Variants in CDH13 observed in about 807,000 individuals in gnomAD.
CDH13 encodes cadherin-13.
Under a neutral mutation model 63.8 loss-of-function variants are expected in CDH13, and 24 were observed. The ratio of observed to expected loss-of-function variants is 0.38; its 90% CI spans 0.27 to 0.53. The LOEUF is 0.53. CDH13 is among the 20% of genes least tolerant of loss of function. The pLI, the probability that CDH13 is intolerant of heterozygous loss-of-function variation, is 0.85. For missense variants in CDH13, 1,049 were observed against 903.1 expected, an observed-to-expected ratio of 1.16 and a Z score of -2.07; for synonymous variants, 503 against 355.3, an observed-to-expected ratio of 1.42 and a Z score of -4.67.
intron 11 of CDH13, among the ~76,000 whole-genome samples, chr16:83,761,113 C>G (rs1463932006): frequency 2.0e-5 from 3 of 152,158 alleles, no homozygotes; most frequent in African/African-American, 7.2e-5. Context: ...CCTTTAAATA[C>G]CCCTTAGAGG....
At position 82,938,094 on chromosome 16, in the gene CDH13, G is replaced by A. The variant is rs931464769; in HGVS notation, c.157+79621G>A. Among the ~76,000 whole-genome samples, 54 of 152,284 alleles carry A rather than the reference G, an allele frequency of 3.5e-4. 1 individual carries two copies. The highest frequency in any genetic ancestry group is 3.3e-3 in the Admixed American group (51 of 15,290). The stretch of plus-strand genomic sequence containing the variant: ...GGTAGCAACAACACGCCAAAAAACG[G>A]AAAGATAATACTTTTTCCACTTGGC... On this transcript the variant is annotated intron_variant, in intron 2 of 13. Transcript: ENST00000567109.
chr16:83,689,720 T>C (rs1904656320), intron 10 of CDH13, among the ~76,000 whole-genome samples: 1 of 152,196 alleles, frequency 6.6e-6, no homozygotes, highest in Non-Finnish European at 1.5e-5. Flanking sequence ...TATGGCTGCT[T>C]CTAAGTATTC....
intron 6 of CDH13, among the ~76,000 whole-genome samples, chr16:83,409,421 A>G (rs2092094930): frequency 6.6e-6 from 1 of 152,180 alleles, no homozygotes; most frequent in Non-Finnish European, 1.5e-5. Flanking sequence ...TGCCTTGTGA[A>G]GGAGTAAGAC....
chr16:83,271,587 C>G (rs2088819436), intron 5 of CDH13, among the ~76,000 whole-genome samples: 1 of 150,762 alleles, frequency 6.6e-6, no homozygotes, highest in East Asian at 1.9e-4. Flanking sequence ...TAATGCATAC[C>G]CAAGATCATA....
intron 10 of CDH13, among the ~76,000 whole-genome samples, chr16:83,740,918 T>C (rs927915112): frequency 6.6e-6 from 1 of 152,142 alleles, no homozygotes; most frequent in African/African-American, 2.4e-5. Flanking sequence ...GAAAGGCCAG[T>C]GAGTCTGTAA....
intron 11 of CDH13, among the ~76,000 whole-genome samples, chr16:83,754,990 A>G (rs775375511): frequency 6.6e-6 from 1 of 152,174 alleles, no homozygotes; most frequent in Admixed American, 6.5e-5. Flanking sequence ...AAGAAGCAAG[A>G]ATGTGTAAGT....
intron 2 of CDH13, among the ~76,000 whole-genome samples, chr16:82,886,179 G>A (rs2151213668): frequency 1.3e-5 from 2 of 152,218 alleles, no homozygotes; most frequent in Non-Finnish European, 2.9e-5. Flanking sequence ...AACTGTTATA[G>A]CTATTCATTT....
intron 4 of CDH13, among the ~76,000 whole-genome samples, chr16:83,178,491 G>T (rs1024224219): frequency 1.3e-5 from 2 of 152,152 alleles, no homozygotes; most frequent in African/African-American, 4.8e-5. Flanking sequence ...AGAATTATAA[G>T]AATATTTCCA....
chr16:83,370,136 C>T (rs1202793753), intron 6 of CDH13, among the ~76,000 whole-genome samples: 2 of 152,126 alleles, frequency 1.3e-5, no homozygotes, highest in African/African-American at 4.8e-5. Context: ...GCCTGTAATC[C>T]CAGCACTTTG....
At chr16:83,760,924 T>G (rs1913916439) in intron 11 of CDH13, among the ~76,000 whole-genome samples, 1 of 152,118 alleles carries the variant, frequency 6.6e-6, no homozygotes, top group South Asian at 2.1e-4. Context: ...TGGGCCAATT[T>G]TGCCAGGAAA....
At chr16:83,646,737 A>ACT (rs1230615906) in intron 8 of CDH13, among the ~76,000 whole-genome samples, 26 of 148,618 alleles carry the variant, frequency 1.7e-4, no homozygotes, top group African/African-American at 6.2e-4. Context: ...ACACACACAC[A>ACT]CAGTTGTGTT....
At chr16:82,967,439 C>A (rs184182258) in intron 2 of CDH13, among the ~76,000 whole-genome samples, 1 of 152,172 alleles carries the variant, frequency 6.6e-6, no homozygotes, top group Admixed American at 6.5e-5. Flanking sequence ...CGTATTTGCG[C>A]CCGCTGAATC....
chr16:83,323,075 G>C (rs892342907), intron 5 of CDH13, among the ~76,000 whole-genome samples: 1 of 151,882 alleles, frequency 6.6e-6, no homozygotes, highest in African/African-American at 2.4e-5. Context: ...GAATGGAGGT[G>C]GTGGTTAGCC....
At chr16:82,951,404 T>G (rs1424314129) in intron 2 of CDH13, among the ~76,000 whole-genome samples, 1 of 152,210 alleles carries the variant, frequency 6.6e-6, no homozygotes, top group South Asian at 2.1e-4. Flanking sequence ...AAATGGGTCC[T>G]GATATTCAGC....
chr16:83,246,730 G>A (rs988514512), intron 5 of CDH13, among the ~76,000 whole-genome samples: 2 of 152,138 alleles, frequency 1.3e-5, no homozygotes, highest in African/African-American at 4.8e-5. Context: ...CGGTGTTGCT[G>A]CCAGAAGCTT....
At chr16:82,641,769 G>A (rs74030159) in intron 1 of CDH13, among the ~76,000 whole-genome samples, 3 of 152,150 alleles carry the variant, frequency 2.0e-5, no homozygotes, top group African/African-American at 7.2e-5. Flanking sequence ...CACTTTTCTA[G>A]GCACTGGGAA....
chr16:83,478,498 C>A (rs1486609347), intron 6 of CDH13, among the ~76,000 whole-genome samples: 1 of 152,162 alleles, frequency 6.6e-6, no homozygotes, highest in Non-Finnish European at 1.5e-5. Flanking sequence ...CAAGCACTTT[C>A]TGGATCAAAT....
At chr16:82,882,937 TA>T (rs2040757290) in intron 2 of CDH13, among the ~76,000 whole-genome samples, 2 of 152,268 alleles carry the variant, frequency 1.3e-5, no homozygotes, top group South Asian at 4.2e-4. Context: ...CCTACCCCTT[TA>T]ATGGGAGGGT....
intron 1 of CDH13, among the ~76,000 whole-genome samples, chr16:82,805,070 C>T (rs576099132): frequency 1.2e-4 from 18 of 152,218 alleles, no homozygotes; most frequent in Non-Finnish European, 2.5e-4. Context: ...TTAAGTATCC[C>T]GGGTTTGTTA....
Sources: allele counts gnomAD v4.1 joint callset (sites outside exome capture counted in the v4.1 genomes callset), GRCh38; gene constraint gnomAD v4.1.1; transcripts MANE v1.5; gene names NCBI Gene and HGNC (gene_info 2026-07-23, HGNC 2026-07-21).